The following THRAP3 variants were observed in gnomAD, a reference collection of about 807,000 sequenced individuals.
THRAP3 encodes thyroid hormone receptor associated protein 3, also known as thyroid hormone receptor-associated protein 3.
THRAP3 carries 16 observed loss-of-function variants against 101.0 expected under a neutral mutation model. That is an observed-to-expected ratio of 0.16 (90% CI 0.11 to 0.24). The LOEUF is 0.24. Among genes scored for constraint, THRAP3 ranks in the 10% least tolerant of loss-of-function variants. The pLI is 1.00. For missense variants in THRAP3, 989 were observed against 1,202.7 expected (o/e 0.82, Z 2.63); for synonymous variants, 407 against 422.6 (o/e 0.96, Z 0.45).
chr1:36,292,572 T>TA, intron 6 of THRAP3, 26 bp from the exon 7 acceptor site: 1 of 1,586,568 alleles, frequency 6.3e-7, no homozygotes, highest in South Asian at 1.1e-5. Flanking sequence ...GCCTGGCCCA[T>TA]AATGTGTTTC....
At chr1:36,212,637 C>A in the THRAP3 span, among the ~76,000 whole-genome samples, 3 of 151,996 alleles carry the variant, frequency 2.0e-5, no homozygotes, top group African/African-American at 7.2e-5. Context: ...CCACACTGGT[C>A]TCGAATTCCT....
At chr1:36,211,862 G>A in the THRAP3 span, among the ~76,000 whole-genome samples, 1 of 152,146 alleles carries the variant, frequency 6.6e-6, no homozygotes, top group African/African-American at 2.4e-5. Context: ...GTCAGACAAT[G>A]CTGCCGGTTC....
chr1:36,232,904 T>C (rs1645044278), intron 1 of THRAP3, among the ~76,000 whole-genome samples: 1 of 135,770 alleles, frequency 7.4e-6, no homozygotes, highest in Admixed American at 7.7e-5. Context: ...TGAGACAGTC[T>C]CACTCTGTTG....
intron 1 of THRAP3, among the ~76,000 whole-genome samples, chr1:36,229,246 C>T (rs979760228): frequency 4.0e-5 from 6 of 151,598 alleles, no homozygotes; most frequent in East Asian, 1.9e-4. Context: ...TACAGGTGCC[C>T]GCCACCACAC....
chr1:36,224,330 G>A (rs1020879057), upstream of THRAP3: 1 of 152,344 alleles, frequency 6.6e-6, no homozygotes, highest in Non-Finnish European at 1.5e-5. Flanking sequence ...TAGTTCTGAT[G>A]GCAGCCAAGT....
chr1:36,231,174 C>G (rs1332675952), intron 1 of THRAP3, among the ~76,000 whole-genome samples: 1 of 151,606 alleles, frequency 6.6e-6, no homozygotes, highest in Non-Finnish European at 1.5e-5. Context: ...GTCTTGGTAC[C>G]TTATATCCTT....
upstream of THRAP3, among the ~76,000 whole-genome samples, chr1:36,221,815 T>A (rs373246297): frequency 2.5e-3 from 376 of 151,348 alleles, 4 homozygotes; most frequent in Admixed American, 5.3e-3. Flanking sequence ...TGAACTTTTT[T>A]TTTTTTTTTT....
At chr1:36,225,811 G>C (rs1016972430) in intron 1 of THRAP3, among the ~76,000 whole-genome samples, 4 of 152,196 alleles carry the variant, frequency 2.6e-5, no homozygotes, top group African/African-American at 9.7e-5. Flanking sequence ...GATGTATTTT[G>C]TGAGCCAATG....
chr1:36,281,753 C>G (rs555767748), intron 2 of THRAP3, among the ~76,000 whole-genome samples: 1 of 152,136 alleles, frequency 6.6e-6, no homozygotes, highest in Non-Finnish European at 1.5e-5. Context: ...GCCCTTACCA[C>G]TACATCCAGC....
chr1:36,252,944 A>ATATG (rs1553194046), intron 1 of THRAP3, among the ~76,000 whole-genome samples: 11 of 113,804 alleles, frequency 9.7e-5, no homozygotes, highest in African/African-American at 3.6e-4. Context: ...ATATATATAT[A>ATATG]TATATATATA....
chr1:36,230,244 G>A (rs961892863), intron 1 of THRAP3, among the ~76,000 whole-genome samples: 1 of 151,534 alleles, frequency 6.6e-6, no homozygotes, highest in African/African-American at 2.4e-5. Flanking sequence ...TCAGCCTCCC[G>A]AGTAGCTGGG....
intron 1 of THRAP3, among the ~76,000 whole-genome samples, chr1:36,256,219 GTTATTA>G (rs1452463195): frequency 3.0e-4 from 21 of 69,168 alleles, no homozygotes; most frequent in African/African-American, 1.0e-3. Context: ...TGTTATTATT[GTTATTA>G]TTATTATTAT....
At chr1:36,257,934 G>A (rs1189796297) in intron 1 of THRAP3, among the ~76,000 whole-genome samples, 14 of 152,118 alleles carry the variant, frequency 9.2e-5, no homozygotes, top group African/African-American at 2.2e-4. Flanking sequence ...TCTGCTTCCC[G>A]AGTTCAAGGG....
chr1:36,216,495 CAAAAA>C, the THRAP3 span, among the ~76,000 whole-genome samples: 45 of 56,398 alleles, frequency 8.0e-4, no homozygotes, highest in Middle Eastern at 7.4e-3. Flanking sequence ...GACTCCGTCT[CAAAAA>C]AAAAAAAAAA....
In THRAP3 at chr1:36,285,882, G is replaced by C. The variant is rs371560100; in HGVS notation, c.138-486G>C. ...TTAAGAAGTTCATCCCGCACAAGGG[G>C]GAGAGAGCTGACTAGGATAGGGTGT... On this transcript the variant is annotated intron_variant, in intron 3 of 11. Coordinates refer to ENST00000354618, the MANE Select transcript of THRAP3 (RefSeq NM_005119.4). Among the ~76,000 whole-genome samples the C allele has an allele frequency of 2.0e-5, 3 of 152,250 alleles. No individual in the cohort carries two copies. In the East Asian group the frequency reaches 5.8e-4, roughly 29 times the overall value.
intron 1 of THRAP3, among the ~76,000 whole-genome samples, chr1:36,237,761 ACTGT>A (rs1198499575): frequency 2.6e-5 from 4 of 151,998 alleles, no homozygotes; most frequent in East Asian, 1.9e-4. Flanking sequence ...ACAAAATGAG[ACTGT>A]CTGAAAACAA....
chr1:36,252,926 G>GCA lies in THRAP3; in HGVS notation c.-134-6455_-134-6454dup, dbSNP rs1491430537. Among the ~76,000 whole-genome samples, 16 of 22,040 alleles carry GCA rather than the reference G, an allele frequency of 7.3e-4. No homozygotes were observed. The Admixed American group carries it at 9.3e-3, about 13-fold the overall frequency. 14.5% of individuals were successfully genotyped at this position (22,040 alleles called of 152,430 possible). A position where few individuals can be genotyped will look rare whatever the true frequency, so the allele number is the denominator to read the frequency against. ...TGTCTCAAAAAATATATATAGATAGGCATATATATATATATATATATATAT... is the reference window on the plus strand; with the variant it reads ...TGTCTCAAAAAATATATATAGATAGGCACATATATATATATATATATATATAT... On this transcript the variant is annotated intron_variant, in intron 1 of 11. Transcript: ENST00000354618.
chr1:36,232,541 T>C (rs1645039913), intron 1 of THRAP3, among the ~76,000 whole-genome samples: 1 of 152,228 alleles, frequency 6.6e-6, no homozygotes, highest in Admixed American at 6.5e-5. Flanking sequence ...CCTTCACGTC[T>C]TTAGAGAGTA....
the THRAP3 span, among the ~76,000 whole-genome samples, chr1:36,217,765 A>T: frequency 6.6e-6 from 1 of 152,138 alleles, no homozygotes; most frequent in African/African-American, 2.4e-5. Flanking sequence ...CACATACTGC[A>T]CCCATATAAG....
Sources: allele counts gnomAD v4.1 joint callset (sites outside exome capture counted in the v4.1 genomes callset), GRCh38; gene constraint gnomAD v4.1.1; transcripts MANE v1.5; gene names NCBI Gene and HGNC (gene_info 2026-07-23, HGNC 2026-07-21).